KCNQ3: variants seen among roughly 807,000 people sequenced by gnomAD.
KCNQ3 encodes the protein potassium voltage-gated channel subfamily KQT member 3.
A neutral mutation model predicts 92.5 loss-of-function variants in KCNQ3; 30 were observed. The ratio of observed to expected loss-of-function variants is 0.32; its 90% confidence interval spans 0.24 to 0.44. The LOEUF is 0.44. Ranked by LOEUF, KCNQ3 falls within the 20% of genes least tolerant of loss-of-function variation. KCNQ3 has a pLI of 1.00. For synonymous variants in KCNQ3, 450 were observed against 468.8 expected, an observed-to-expected ratio of 0.96 and a Z score of 0.52; for missense variants, 913 against 1,140.3, an observed-to-expected ratio of 0.80 and a Z score of 2.87.
At chr8:132,437,037 T>C (rs893610435) in intron 1 of KCNQ3, among the ~76,000 whole-genome samples, 1 of 151,222 alleles carries the variant, frequency 6.6e-6, no homozygotes, top group African/African-American at 2.4e-5. Context: ...CCCAGCACTT[T>C]GGGAGGCCGA....
At chr8:132,446,184 C>T (rs899344514) in intron 1 of KCNQ3, among the ~76,000 whole-genome samples, 3 of 152,186 alleles carry the variant, frequency 2.0e-5, no homozygotes, top group Non-Finnish European at 4.4e-5. Context: ...GCTAACGGCC[C>T]TGCAGTGGCT....
At chr8:132,379,860 T>C (rs1048375593) in intron 1 of KCNQ3, among the ~76,000 whole-genome samples, 1 of 151,632 alleles carries the variant, frequency 6.6e-6, no homozygotes, top group Non-Finnish European at 1.5e-5. Context: ...ATTTACTTTC[T>C]AGAAGCTCCT....
intron 1 of KCNQ3, among the ~76,000 whole-genome samples, chr8:132,457,499 T>C (rs1345802145): frequency 6.6e-6 from 1 of 152,262 alleles, no homozygotes; most frequent in East Asian, 1.9e-4. Context: ...GATCACACTT[T>C]AGGACTTTAG....
chr8:132,348,546 T>C (rs879682936), intron 1 of KCNQ3, among the ~76,000 whole-genome samples: 4 of 152,234 alleles, frequency 2.6e-5, no homozygotes, highest in Non-Finnish European at 2.9e-5. Flanking sequence ...AGAACACTTG[T>C]AATGTGCATA....
chr8:132,282,600 G>A (rs143284369), intron 1 of KCNQ3, among the ~76,000 whole-genome samples: 9 of 152,044 alleles, frequency 5.9e-5, no homozygotes, highest in East Asian at 1.9e-4. Flanking sequence ...CTGCTCCTCC[G>A]TGAGAAGGAT....
chr8:132,190,750 G>A (rs1430067225), intron 1 of KCNQ3, among the ~76,000 whole-genome samples: 1 of 152,174 alleles, frequency 6.6e-6, no homozygotes, highest in African/African-American at 2.4e-5. Context: ...TTAAAAAATT[G>A]TATGTTGTAA....
chr8:132,343,351 T>C (rs1354341160), intron 1 of KCNQ3, among the ~76,000 whole-genome samples: 1 of 152,208 alleles, frequency 6.6e-6, no homozygotes, highest in East Asian at 1.9e-4. Flanking sequence ...GCCTGTATTA[T>C]ATTTATCTGT....
chr8:132,421,613 TC>T (rs1227891774), intron 1 of KCNQ3, among the ~76,000 whole-genome samples: 1 of 152,036 alleles, frequency 6.6e-6, no homozygotes, highest in Non-Finnish European at 1.5e-5. Context: ...GTGAAAGTGG[TC>T]TTTTTTTTCT....
At chr8:132,349,997 G>T (rs928673723) in intron 1 of KCNQ3, among the ~76,000 whole-genome samples, 5 of 152,150 alleles carry the variant, frequency 3.3e-5, no homozygotes, top group South Asian at 2.1e-4. Context: ...TTCATGGATG[G>T]GGAAACATGT....
rs1460364641 is a variant in KCNQ3, at chr8:132,170,433, G to C, written c.1141-5C>G. 3.7e-6 allele frequency: 6 copies of C among 1,609,672 alleles called. No individual in the cohort carries two copies. Among genetic ancestry groups the C allele is most frequent in the Non-Finnish European group, 5.1e-6 (6 of 1,176,320 alleles). ...AGCATAATACCTCCAGGCAGCCTGA[G>C]GGGCAGAAAAGAGGGGCAACAATGA... On this transcript the variant is annotated splice_region_variant and splice_polypyrimidine_tract_variant and intron_variant, in intron 7 of 14. Coordinates refer to ENST00000388996, the MANE Select transcript of KCNQ3 (RefSeq NM_004519.4).
At chr8:132,442,805 T>C (rs1324814647) in intron 1 of KCNQ3, among the ~76,000 whole-genome samples, 2 of 152,212 alleles carry the variant, frequency 1.3e-5, no homozygotes, top group African/African-American at 4.8e-5. Context: ...TCTTATTTTA[T>C]TCATAACCAG....
At chr8:132,365,169 CCA>C (rs1161419898) in intron 1 of KCNQ3, among the ~76,000 whole-genome samples, 2 of 152,140 alleles carry the variant, frequency 1.3e-5, no homozygotes, top group Admixed American at 6.5e-5. Flanking sequence ...TGAAGACTAG[CCA>C]CAGTGAGAGC....
intron 1 of KCNQ3, among the ~76,000 whole-genome samples, chr8:132,314,242 A>G (rs1430078569): frequency 1.3e-5 from 2 of 152,222 alleles, no homozygotes; most frequent in Non-Finnish European, 2.9e-5. Flanking sequence ...AAAAATTTCT[A>G]TTTTTATTAA....
At chr8:132,176,596 C>A (rs1826562883) in intron 4 of KCNQ3, among the ~76,000 whole-genome samples, 1 of 152,160 alleles carries the variant, frequency 6.6e-6, no homozygotes, top group Non-Finnish European at 1.5e-5. Context: ...CCCTTCTGGG[C>A]CAATAGAATC....
chr8:132,231,339 A>G (rs1031837026), intron 1 of KCNQ3, among the ~76,000 whole-genome samples: 2 of 152,174 alleles, frequency 1.3e-5, no homozygotes, highest in African/African-American at 4.8e-5. Context: ...TTCTTCACAG[A>G]TGCCTTTCTA....
intron 1 of KCNQ3, among the ~76,000 whole-genome samples, chr8:132,229,967 T>C (rs1814577591): frequency 6.6e-6 from 1 of 152,190 alleles, no homozygotes; most frequent in Admixed American, 6.5e-5. Context: ...GCAGAAGAGC[T>C]GCTGGCTTTC....
chr8:132,459,946 T>C (rs1029957828), intron 1 of KCNQ3, among the ~76,000 whole-genome samples: 8 of 117,032 alleles, frequency 6.8e-5, no homozygotes, highest in East Asian at 2.4e-4. Flanking sequence ...TTTATACTTT[T>C]GTTATACTCC....
At chr8:132,336,413 T>G (rs948816459) in intron 1 of KCNQ3, among the ~76,000 whole-genome samples, 1 of 152,244 alleles carries the variant, frequency 6.6e-6, no homozygotes, top group African/African-American at 2.4e-5. Context: ...CTCTTAGGGT[T>G]TCTGCGTCCT....
chr8:132,428,537 A>G (rs1358545261), intron 1 of KCNQ3, among the ~76,000 whole-genome samples: 2 of 152,216 alleles, frequency 1.3e-5, no homozygotes, highest in African/African-American at 4.8e-5. Context: ...ACACACACAC[A>G]CATACACACA....
Sources: allele counts gnomAD v4.1 joint callset (sites outside exome capture counted in the v4.1 genomes callset), GRCh38; gene constraint gnomAD v4.1.1; transcripts MANE v1.5; gene names NCBI Gene and HGNC (gene_info 2026-07-23, HGNC 2026-07-21).